NID1: variants seen among roughly 807,000 people sequenced by gnomAD.
NID1 encodes the protein nidogen-1.
Under a neutral mutation model 130.6 loss-of-function variants are expected in NID1, and 76 were observed. The observed-to-expected ratio is 0.58, with a 90% CI of 0.48 to 0.70. The LOEUF (loss-of-function observed/expected upper bound fraction) is 0.70. NID1 is among the 30% of genes least tolerant of loss of function. NID1 has a pLI of 0.00. For missense variants in NID1, 1,517 were observed against 1,664.8 expected (o/e 0.91, Z 1.54); for synonymous variants, 665 against 675.1 (o/e 0.98, Z 0.23).
chr1:236,013,781 C>T (rs146307196), intron 10 of NID1, among the ~76,000 whole-genome samples: 9 of 152,270 alleles, frequency 5.9e-5, no homozygotes, highest in Middle Eastern at 3.4e-3. Flanking sequence ...TGACTGACAC[C>T]GTGGTTTGTC....
rs994339710 is a variant in NID1 at position 235,977,673 on chromosome 1, G to A, written c.*194C>T. On this transcript the variant is annotated 3_prime_UTR_variant, in exon 20 of 20. Transcript: ENST00000264187. ...GAGGGTTCTGTCCTTGTGTAGGGGT[G>A]GAGACTTTTCTATTAGAGAAGTCCA... The A allele has an allele frequency of 1.6e-4, 92 of 585,374 alleles. No individual in the cohort carries two copies. The highest frequency in any genetic ancestry group is 2.4e-4 in the Non-Finnish European group (79 of 331,450). The allele number at this position is 585,374 out of a possible 1,614,324, so 36.3% of individuals were successfully genotyped here. A position where few individuals can be genotyped will look rare whatever the true frequency, so the allele number is the denominator to read the frequency against.
intron 16 of NID1, among the ~76,000 whole-genome samples, chr1:235,981,300 C>T (rs770770422): frequency 2.0e-5 from 3 of 152,230 alleles, no homozygotes; most frequent in Non-Finnish European, 4.4e-5. Flanking sequence ...TGCTACTCTT[C>T]TGGAGTTGAT....
chr1:235,995,818 G>C (rs1391397305), intron 12 of NID1, among the ~76,000 whole-genome samples: 1 of 152,172 alleles, frequency 6.6e-6, no homozygotes, highest in Non-Finnish European at 1.5e-5. Context: ...CTAAGGAGCT[G>C]TTCCTTGTTT....
At position 235,993,843 on chromosome 1, in the gene NID1, G is replaced by T. The variant is rs887517878; in HGVS notation, c.2557C>A (p.Arg853=). ...EVEKTRCQHE[R]EHILGAAGAT... ...CCCGCTGCCCCGAGAATGTGTTCTC[G>T]CTCGTGCTGGCACCGGGTTTTCTCC... Residue 853 remains arginine (R), a synonymous_variant, in exon 13 of 20, where the codon CGA becomes AGA. Transcript: ENST00000264187. 5.6e-6 allele frequency: 9 copies of T among 1,613,300 alleles called. 1 individual carries two copies. The East Asian group carries it at 1.3e-4, about 24-fold the overall frequency.
intron 4 of NID1, among the ~76,000 whole-genome samples, chr1:236,039,405 T>C (rs1570113): frequency 0.52 from 78,250 of 151,102 alleles, 21,830 homozygotes; most frequent in African/African-American, 0.73. Flanking sequence ...TTAAATCACC[T>C]CCCACCCCAC....
intron 6 of NID1, among the ~76,000 whole-genome samples, chr1:236,031,818 C>T (rs949652035): frequency 3.9e-5 from 6 of 152,166 alleles, no homozygotes; most frequent in East Asian, 1.9e-4. Context: ...TCTGCCCACG[C>T]GTCCAGTAAA....
chr1:236,039,095 T>C (rs1659366504), intron 4 of NID1, among the ~76,000 whole-genome samples: 1 of 142,878 alleles, frequency 7.0e-6, no homozygotes, highest in Admixed American at 7.2e-5. Flanking sequence ...TAAATATTTA[T>C]ATAATATATA....
At chr1:236,025,036 C>T (rs1159921281) in intron 8 of NID1, among the ~76,000 whole-genome samples, 5 of 150,874 alleles carry the variant, frequency 3.3e-5, no homozygotes, top group African/African-American at 1.2e-4. Context: ...CTGCAACCTC[C>T]GCCTCCCAGG....
In NID1 at chr1:235,977,749, G is replaced by T; in HGVS notation, c.*118C>A. On this transcript the variant is annotated 3_prime_UTR_variant, in exon 20 of 20. Coordinates refer to ENST00000264187, the MANE Select transcript of NID1 (RefSeq NM_002508.3). Reference sequence around the variant, plus strand: ...GGGAAAAGTTGTTGGGGCTCAGGCTGGGCTGGGTCTGGGCCTAGTGGCCAC... The same window carrying T: ...GGGAAAAGTTGTTGGGGCTCAGGCTTGGCTGGGTCTGGGCCTAGTGGCCAC... 1 of 1,169,698 alleles carries T rather than the reference G, an allele frequency of 8.5e-7. No individual in the cohort carries two copies. Among genetic ancestry groups the T allele is most frequent in the Non-Finnish European group, 1.2e-6 (1 of 813,352 alleles). 72.5% of individuals were successfully genotyped at this position (1,169,698 alleles called of 1,614,324 possible).
At chr1:236,021,928 G>A (rs543310800) in intron 9 of NID1, among the ~76,000 whole-genome samples, 3 of 152,306 alleles carry the variant, frequency 2.0e-5, no homozygotes, top group South Asian at 4.1e-4. Flanking sequence ...AGAAGATGGA[G>A]TAATACGATG....
intron 11 of NID1, among the ~76,000 whole-genome samples, chr1:236,012,322 C>T (rs1435313052): frequency 1.3e-5 from 2 of 152,046 alleles, no homozygotes; most frequent in African/African-American, 4.8e-5. Context: ...CTTGGGAGGC[C>T]GAGGCAGGCA....
At chr1:236,053,564 T>A (rs946913535) in intron 1 of NID1, among the ~76,000 whole-genome samples, 5 of 152,142 alleles carry the variant, frequency 3.3e-5, no homozygotes, top group African/African-American at 1.2e-4. Context: ...CAGTGGAAGC[T>A]CCTTCCACTC....
chr1:235,985,821 C>T (rs1198067362), intron 14 of NID1, among the ~76,000 whole-genome samples: 2 of 151,600 alleles, frequency 1.3e-5, no homozygotes, highest in Admixed American at 6.6e-5. Context: ...AGTGTAGTGG[C>T]GTGATTACTG....
intron 1 of NID1, among the ~76,000 whole-genome samples, chr1:236,054,198 A>G (rs1436365281): frequency 6.6e-6 from 1 of 152,230 alleles, no homozygotes; most frequent in Non-Finnish European, 1.5e-5. Flanking sequence ...GCTTGCTCCT[A>G]TAATCCCAGT....
chr1:235,998,358 A>G (rs1657985932), intron 12 of NID1, among the ~76,000 whole-genome samples: 1 of 152,216 alleles, frequency 6.6e-6, no homozygotes, highest in Non-Finnish European at 1.5e-5. Context: ...AAACAAAGAT[A>G]CAAGCAAGCC....
intron 16 of NID1, among the ~76,000 whole-genome samples, chr1:235,981,050 C>T (rs901519675): frequency 7.2e-5 from 11 of 152,184 alleles, no homozygotes; most frequent in Non-Finnish European, 1.6e-4. Flanking sequence ...TTGGCAGGGG[C>T]TGTGGTCAAA....
intron 9 of NID1, 27 bp downstream of exon 9, chr1:236,024,043 C>G (rs757603029): frequency 1.4e-5 from 23 of 1,611,130 alleles, no homozygotes; most frequent in Non-Finnish European, 2.0e-5. Flanking sequence ...TTTCCCAGCC[C>G]CAACAAGTCA....
Position 236,042,171 on chromosome 1 carries a change from C to T in NID1, c.874G>A (p.Glu292Lys). The stretch of plus-strand genomic sequence containing the variant: ...GTCGCCAGGTCATAATCTTCATCCT[C>T]ATCATCATACTCTGCCCCATCTTCA... ...GTEDGAEYDD[E>K]DEDYDLATTR... The change falls in exon 4 of 20, where the codon GAG becomes AAG. Residue 292 changes from glutamate to lysine, a missense_variant. Physicochemically the swap from Glu to Lys is moderately conservative, Grantham distance 56. Around this residue, in one of 3 missense-constraint regions of NID1, gnomAD observed 1,329 missense variants for 1,429.2 expected, o/e 0.93. Coordinates refer to ENST00000264187, the MANE Select transcript of NID1 (RefSeq NM_002508.3). 9 of 1,614,104 alleles carry T rather than the reference C, an allele frequency of 5.6e-6. 1 individual carries two copies. The highest frequency in any genetic ancestry group is 3.3e-5 in the Admixed American group (2 of 60,024).
At chr1:236,003,989 C>T (rs1460807172) in intron 12 of NID1, among the ~76,000 whole-genome samples, 3 of 145,240 alleles carry the variant, frequency 2.1e-5, no homozygotes, top group East Asian at 2.1e-4. Flanking sequence ...GCAGAGATTG[C>T]GCCACTGCAC....
Sources: gnomAD v4.1 joint callset for allele counts (sites outside exome capture counted in the v4.1 genomes callset) on GRCh38, gnomAD v4.1.1 for gene constraint, gnomAD v4.1.1 regional missense constraint, MANE v1.5 for transcripts, NCBI Gene and HGNC (gene_info 2026-07-23, HGNC 2026-07-21) for gene names.